COBL: variants seen among roughly 807,000 people sequenced by gnomAD.
The protein encoded by COBL is protein cordon-bleu.
Under a neutral mutation model 98.8 loss-of-function variants are expected in COBL, and 51 were observed. That is an observed-to-expected ratio of 0.52 (90% confidence interval 0.41 to 0.65). The LOEUF (loss-of-function observed/expected upper bound fraction) is 0.65. Among genes scored for constraint, COBL ranks in the 30% least tolerant of loss-of-function variants. The probability of loss-of-function intolerance (pLI) is 0.00; values close to 1 mark genes in which losing one functional copy is unlikely to be tolerated. For synonymous variants in COBL, 634 were observed against 651.7 expected (o/e 0.97, Z 0.41); for missense variants, 1,617 against 1,617.5 (o/e 1.00, Z 0.01).
At chr7:51,141,612 C>T (rs1271717352) in intron 5 of COBL, among the ~76,000 whole-genome samples, 1 of 151,920 alleles carries the variant, frequency 6.6e-6, no homozygotes, top group Admixed American at 6.6e-5. Flanking sequence ...CGATGCTGCC[C>T]CCTTTTGAAA....
rs111847398 is a variant in COBL at position 51,207,186 on chromosome 7, CAAGA to C, written c.245+12551_245+12554del. Among the ~76,000 whole-genome samples the C allele has an allele frequency of 9.3e-3, 1,395 of 149,404 alleles. 18 individuals are homozygous for C. Among genetic ancestry groups the C allele is most frequent in the African/African-American group, 0.032 (1,316 of 40,702 alleles). ...TCCCAATAAAGCTGAAAATAAAACA[CAAGA>C]AAAAAAAGAAAATCACTTTTCCCAA... On this transcript the variant is annotated intron_variant, in intron 2 of 12. Coordinates refer to ENST00000265136, the MANE Select transcript of COBL (RefSeq NM_015198.5).
At chr7:51,291,163 G>A (rs550894154) in intron 1 of COBL, among the ~76,000 whole-genome samples, 1 of 152,292 alleles carries the variant, frequency 6.6e-6, no homozygotes, top group Admixed American at 6.5e-5. Context: ...GGCACAGCGG[G>A]GAACAGGCAT....
intron 1 of COBL, among the ~76,000 whole-genome samples, chr7:51,252,352 T>C (rs1475979863): frequency 6.6e-6 from 1 of 152,184 alleles, no homozygotes. Context: ...CCAAACCCAT[T>C]AGCATCAGCA....
At chr7:51,089,131 T>C (rs1308989013) in intron 6 of COBL, among the ~76,000 whole-genome samples, 1 of 152,100 alleles carries the variant, frequency 6.6e-6, no homozygotes, top group Non-Finnish European at 1.5e-5. Context: ...TTCCTGAGTG[T>C]CCTAGGATCT....
chr7:51,082,119 T>C (rs551584314), intron 7 of COBL, among the ~76,000 whole-genome samples: 7 of 152,264 alleles, frequency 4.6e-5, no homozygotes, highest in African/African-American at 1.7e-4. Flanking sequence ...GGCAGGCAGC[T>C]AGTCAACACT....
chr7:51,287,086 CAACA>C (rs1479674307), intron 1 of COBL, among the ~76,000 whole-genome samples: 1 of 152,062 alleles, frequency 6.6e-6, no homozygotes, highest in Non-Finnish European at 1.5e-5. Context: ...AAGATGGGAA[CAACA>C]GACACTGGCG....
At chr7:51,207,824 G>C (rs1290327459) in intron 2 of COBL, among the ~76,000 whole-genome samples, 1 of 152,196 alleles carries the variant, frequency 6.6e-6, no homozygotes, top group African/African-American at 2.4e-5. Context: ...CCAAAGTGCC[G>C]AGATTGCAGC....
intron 2 of COBL, among the ~76,000 whole-genome samples, chr7:51,204,514 A>T (rs1791469686): frequency 6.6e-6 from 1 of 152,102 alleles, no homozygotes; most frequent in East Asian, 1.9e-4. Context: ...TAAACAATTT[A>T]AAGTTGCTTA....
intron 2 of COBL, among the ~76,000 whole-genome samples, chr7:51,195,038 A>G (rs189817283): frequency 2.0e-5 from 3 of 152,018 alleles, no homozygotes; most frequent in Non-Finnish European, 4.4e-5. Context: ...TCCATTTGTC[A>G]GGTTTTGCTT....
At chr7:51,193,879 A>G (rs1790355346) in intron 2 of COBL, among the ~76,000 whole-genome samples, 1 of 152,196 alleles carries the variant, frequency 6.6e-6, no homozygotes, top group South Asian at 2.1e-4. Context: ...GGATCATCTA[A>G]GGTCTGTTAG....
chr7:51,018,944 ATATATATATG>A (rs1786633148), intron 12 of COBL, among the ~76,000 whole-genome samples: 1 of 96,344 alleles, frequency 1.0e-5, no homozygotes, highest in African/African-American at 3.7e-5. Flanking sequence ...ATATATATAT[ATATATATATG>A]ATTTTTTTTG....
At chr7:51,309,465 A>T (rs1256504143) in intron 1 of COBL, among the ~76,000 whole-genome samples, 1 of 152,006 alleles carries the variant, frequency 6.6e-6, no homozygotes, top group Admixed American at 6.6e-5. Context: ...TCAAAATAAG[A>T]CCTCTTAACA....
In COBL at chr7:51,025,038, G is replaced by A. The variant is rs564519045; in HGVS notation, c.3768+71C>T. On this transcript the variant is annotated intron_variant, in intron 12 of 12. Coordinates refer to ENST00000265136, the MANE Select transcript of COBL (RefSeq NM_015198.5). ...TCGCAGCTCCTGCCCACAGGCAAGCGTGTCCCTGGATCTACGCTGCACCTC... is the reference window on the plus strand; with the variant it reads ...TCGCAGCTCCTGCCCACAGGCAAGCATGTCCCTGGATCTACGCTGCACCTC... The A allele has an allele frequency of 2.0e-3, 3,183 of 1,598,676 alleles. 3 individuals carry two copies. The highest frequency in any genetic ancestry group is 2.4e-3 in the Non-Finnish European group (2,766 of 1,170,508).
chr7:51,241,020 G>A (rs1158415323), intron 1 of COBL, among the ~76,000 whole-genome samples: 1 of 152,206 alleles, frequency 6.6e-6, no homozygotes, highest in Non-Finnish European at 1.5e-5. Context: ...CAGGCAGTGA[G>A]TGCTTTAAAG....
intron 5 of COBL, among the ~76,000 whole-genome samples, chr7:51,163,828 A>T (rs987900562): frequency 6.6e-6 from 1 of 152,170 alleles, no homozygotes; most frequent in African/African-American, 2.4e-5. Flanking sequence ...ATCATTTTAG[A>T]TTTTTGCCAG....
At chr7:51,192,310 T>C (rs1225948061) in intron 3 of COBL, among the ~76,000 whole-genome samples, 2 of 152,214 alleles carry the variant, frequency 1.3e-5, no homozygotes, top group African/African-American at 4.8e-5. Context: ...CAAAGCCTTA[T>C]TTAAAAGTAC....
chr7:51,188,859 C>T (rs1228451211), intron 4 of COBL, among the ~76,000 whole-genome samples: 1 of 152,238 alleles, frequency 6.6e-6, no homozygotes, highest in East Asian at 1.9e-4. Context: ...TATATCACTT[C>T]TCCCAAGTGC....
intron 6 of COBL, among the ~76,000 whole-genome samples, chr7:51,117,376 G>T (rs1051486798): frequency 2.6e-5 from 4 of 151,752 alleles, no homozygotes; most frequent in African/African-American, 9.7e-5. Context: ...AATCTTTGGG[G>T]ATCTACTTTT....
At chr7:51,087,608 G>A (rs1382688961) in intron 6 of COBL, among the ~76,000 whole-genome samples, 2 of 151,848 alleles carry the variant, frequency 1.3e-5, no homozygotes, top group African/African-American at 2.4e-5. Flanking sequence ...CTGAGTAGCT[G>A]GGACTACAGG....
Sources: allele counts gnomAD v4.1 joint callset (sites outside exome capture counted in the v4.1 genomes callset), GRCh38; gene constraint gnomAD v4.1.1; transcripts MANE v1.5; gene names NCBI Gene and HGNC (gene_info 2026-07-23, HGNC 2026-07-21).